The following RYR2 variants were observed in gnomAD, a reference collection of about 807,000 sequenced individuals.
The protein encoded by RYR2 is cardiac muscle ryanodine receptor-calcium release channel.
Under a neutral mutation model 601.1 loss-of-function variants are expected in RYR2, and 227 were observed. That is an observed-to-expected ratio of 0.38 (90% CI 0.34 to 0.42). The LOEUF (loss-of-function observed/expected upper bound fraction) is 0.42, where lower values mean the gene tolerates loss of function less well. Ranked by LOEUF, RYR2 falls within the 10% of genes least tolerant of loss-of-function variation. The probability of loss-of-function intolerance (pLI) is 1.00; values close to 1 mark genes in which losing one functional copy is unlikely to be tolerated. For synonymous variants in RYR2, 2,223 were observed against 2,175.1 expected (o/e 1.02, Z -0.61); for missense variants, 4,646 against 6,156.5 (o/e 0.75, Z 8.21).
At chr1:237,115,272 G>A (rs7524399) in intron 1 of RYR2, among the ~76,000 whole-genome samples, 4,254 of 152,028 alleles carry the variant, frequency 0.028, 178 homozygotes, top group African/African-American at 0.097. Context: ...GGCAGCCCCT[G>A]CTCTTGGGGC....
rs1670058352 is a variant in RYR2 at position 237,116,157 on chromosome 1, A to T, written c.48+73588A>T. Among the ~76,000 whole-genome samples, 5 of 152,032 alleles carry T rather than the reference A, an allele frequency of 3.3e-5. 1 individual carries two copies. Among genetic ancestry groups the T allele is most frequent in the Admixed American group, 3.3e-4 (5 of 15,246 alleles). ...TGGATCCTTGTGAATCCCTGCAGGGAGGGGAGAGCAGGTGCCATCTTGTCC... is the reference window on the plus strand; with the variant it reads ...TGGATCCTTGTGAATCCCTGCAGGGTGGGGAGAGCAGGTGCCATCTTGTCC... On this transcript the variant is annotated intron_variant, in intron 1 of 104. Transcript: ENST00000366574.
At chr1:237,054,666 T>A (rs1292651795) in intron 1 of RYR2, among the ~76,000 whole-genome samples, 2 of 152,220 alleles carry the variant, frequency 1.3e-5, no homozygotes, top group Non-Finnish European at 2.9e-5. Context: ...CCTGCTGTGA[T>A]ACCACACTGG....
intron 101 of RYR2, among the ~76,000 whole-genome samples, chr1:237,827,919 AG>A (rs1663334130): frequency 7.3e-6 from 1 of 137,230 alleles, no homozygotes; most frequent in Admixed American, 7.6e-5. Context: ...CCTGGGTGAC[AG>A]AATGAGACTC....
chr1:237,562,891 T>C (rs1247677227), intron 27 of RYR2, among the ~76,000 whole-genome samples: 1 of 152,194 alleles, frequency 6.6e-6, no homozygotes, highest in African/African-American at 2.4e-5. Context: ...TCTTCGTTTC[T>C]AGATACAGTT....
intron 1 of RYR2, among the ~76,000 whole-genome samples, chr1:237,230,949 C>G (rs2149187502): frequency 1.0e-5 from 1 of 95,756 alleles, no homozygotes; most frequent in South Asian, 3.3e-4. Context: ...AAAGGATACT[C>G]CTCAAATTAT....
At chr1:237,300,681 C>T (rs897577116) in intron 2 of RYR2, among the ~76,000 whole-genome samples, 2 of 152,156 alleles carry the variant, frequency 1.3e-5, no homozygotes, top group African/African-American at 4.8e-5. Flanking sequence ...TTCCTGATGA[C>T]ACCCCTACAG....
chr1:237,077,922 C>T (rs1399508295), intron 1 of RYR2, among the ~76,000 whole-genome samples: 1 of 101,284 alleles, frequency 9.9e-6, no homozygotes, highest in Non-Finnish European at 2.2e-5. Flanking sequence ...TTATAACAAA[C>T]TATCTCTCAG....
chr1:237,396,087 G>C (rs1175577802), intron 10 of RYR2, among the ~76,000 whole-genome samples: 2 of 152,182 alleles, frequency 1.3e-5, no homozygotes, highest in African/African-American at 2.4e-5. Context: ...ATGTAAGTTT[G>C]GTTAAGGATG....
chr1:237,769,106 C>G (rs532457254), intron 84 of RYR2, among the ~76,000 whole-genome samples: 1 of 151,950 alleles, frequency 6.6e-6, no homozygotes, highest in Non-Finnish European at 1.5e-5. Flanking sequence ...TATATGAACA[C>G]TTAAAGTGTG....
intron 3 of RYR2, among the ~76,000 whole-genome samples, chr1:237,342,107 T>G (rs907944989): frequency 6.6e-6 from 1 of 152,074 alleles, no homozygotes; most frequent in Non-Finnish European, 1.5e-5. Flanking sequence ...TCATCTCTGA[T>G]TTGAAGACTT....
At chr1:237,696,481 G>GT (rs1191135544) in intron 63 of RYR2, among the ~76,000 whole-genome samples, 3 of 150,366 alleles carry the variant, frequency 2.0e-5, no homozygotes, top group Non-Finnish European at 4.4e-5. Flanking sequence ...AGAATTAAAT[G>GT]TATGTTTACA....
At chr1:237,820,260 C>G (rs1339997113) in intron 101 of RYR2, among the ~76,000 whole-genome samples, 1 of 151,346 alleles carries the variant, frequency 6.6e-6, no homozygotes, top group African/African-American at 2.4e-5. Context: ...CAGCTCCAGT[C>G]TGCAGCTCCC....
At chr1:237,130,907 G>A (rs1241685068) in intron 1 of RYR2, among the ~76,000 whole-genome samples, 4 of 152,120 alleles carry the variant, frequency 2.6e-5, no homozygotes, top group African/African-American at 9.7e-5. Flanking sequence ...AGATGGGAAA[G>A]GAATTCTGAG....
chr1:237,801,901 C>T lies in RYR2; in HGVS notation c.14136C>T (p.Val4712=), dbSNP rs756435572. 3.8e-6 allele frequency: 6 copies of T among 1,599,884 alleles called. No homozygotes were observed. The highest frequency in any genetic ancestry group is 5.1e-6 in the Non-Finnish European group (6 of 1,169,434). Residue 4712 remains valine (V), a synonymous_variant, in exon 98 of 105, where the codon GTC becomes GTT. Transcript: ENST00000366574. ...DVKYQMWKLG[V]VFTDNSFLYL... ...AGTATCAGATGTGGAAACTAGGAGT[C>T]GTTTTCACTGACAACGTAAGCCTAC...
At chr1:237,563,635 A>G (rs114213699) in intron 27 of RYR2, among the ~76,000 whole-genome samples, 1,780 of 152,182 alleles carry the variant, frequency 0.012, 29 homozygotes, top group African/African-American at 0.04. Context: ...CTACTGCAAT[A>G]TATTCTCCAT....
intron 2 of RYR2, among the ~76,000 whole-genome samples, chr1:237,330,418 C>A (rs958407150): frequency 1.3e-5 from 2 of 152,182 alleles, no homozygotes; most frequent in East Asian, 3.9e-4. Flanking sequence ...GACGGAGTCT[C>A]GCTCTGTCGC....
intron 63 of RYR2, among the ~76,000 whole-genome samples, chr1:237,688,065 C>T (rs1293671946): frequency 6.6e-6 from 1 of 152,154 alleles, no homozygotes; most frequent in Non-Finnish European, 1.5e-5. Flanking sequence ...TGAGAATTCA[C>T]CTAGCTGGAG....
At chr1:237,151,100 G>T (rs997930394) in intron 1 of RYR2, among the ~76,000 whole-genome samples, 1 of 152,110 alleles carries the variant, frequency 6.6e-6, no homozygotes, top group Non-Finnish European at 1.5e-5. Context: ...AGGAATCATG[G>T]TGCTGTTAGG....
chr1:237,597,713 G>A (rs923465058), intron 34 of RYR2, among the ~76,000 whole-genome samples: 1 of 152,060 alleles, frequency 6.6e-6, no homozygotes, highest in South Asian at 2.1e-4. Flanking sequence ...AAAGGGAAAG[G>A]TATCAAAGCT....
Sources: gnomAD v4.1 joint callset for allele counts (sites outside exome capture counted in the v4.1 genomes callset) on GRCh38, gnomAD v4.1.1 for gene constraint, MANE v1.5 for transcripts, NCBI Gene and HGNC (gene_info 2026-07-23, HGNC 2026-07-21) for gene names.